UMAD1: variants seen among roughly 807,000 people sequenced by gnomAD.
The protein encoded by UMAD1 is UBAP1-MVB12-associated (UMA) domain containing 1.
UMAD1 carries 8 observed loss-of-function variants against 6.1 expected under a neutral mutation model. That is an observed-to-expected ratio of 1.30 (90% CI 0.76 to 2.35). The LOEUF (loss-of-function observed/expected upper bound fraction) is 2.35, where lower values mean the gene tolerates loss of function less well. Ranked by LOEUF, UMAD1 falls within the 30% of genes most tolerant of loss-of-function variation. UMAD1 has a pLI of 0.00. For synonymous variants in UMAD1, 56 were observed against 31.4 expected (o/e 1.78, Z -2.61); for missense variants, 130 against 78.4 (o/e 1.66, Z -2.49).
intron 3 of UMAD1, among the ~76,000 whole-genome samples, chr7:7,805,761 TA>T (rs1251158761): frequency 6.6e-6 from 1 of 152,212 alleles, no homozygotes; most frequent in Non-Finnish European, 1.5e-5. Flanking sequence ...AGTCATTTTT[TA>T]AACCAGAGCT....
chr7:7,659,265 T>A (rs1785417064), intron 1 of UMAD1, among the ~76,000 whole-genome samples: 1 of 152,196 alleles, frequency 6.6e-6, no homozygotes, highest in South Asian at 2.1e-4. Context: ...GCTCCTGGAT[T>A]CATTGATTTT....
At chr7:7,827,141 A>ATGTGTGTG (rs1439982206) in intron 3 of UMAD1, among the ~76,000 whole-genome samples, 2,097 of 134,810 alleles carry the variant, frequency 0.016, 22 homozygotes, top group Middle Eastern at 0.09. Flanking sequence ...ATATATATAT[A>ATGTGTGTG]TATATATGTG....
chr7:7,853,724 C>T (rs1783962105), intron 3 of UMAD1, among the ~76,000 whole-genome samples: 1 of 152,070 alleles, frequency 6.6e-6, no homozygotes, highest in Non-Finnish European at 1.5e-5. Context: ...GGATTTTCTA[C>T]ATAGAAAATC....
chr7:7,860,604 C>CAAAAA lies in UMAD1; in HGVS notation c.157-16659_157-16655dup, dbSNP rs373823869. On this transcript the variant is annotated intron_variant, in intron 3 of 3. Transcript: ENST00000682710. ...TGAAACCCTGTGTCTACTAAAAATA[C>CAAAAA]AAAAAAAAAAAAAAAAAAAAAATTA... Among the ~76,000 whole-genome samples the CAAAAA allele has an allele frequency of 4.8e-3, 448 of 93,826 alleles. 11 individuals are homozygous for CAAAAA. The highest frequency in any genetic ancestry group is 6.8e-3 in the Middle Eastern group (1 of 148). 61.6% of individuals were successfully genotyped at this position (93,826 alleles called of 152,430 possible). A position where few individuals can be genotyped will look rare whatever the true frequency, so the allele number is the denominator to read the frequency against.
intron 2 of UMAD1, among the ~76,000 whole-genome samples, chr7:7,690,393 A>T (rs887898190): frequency 6.6e-6 from 1 of 152,144 alleles, no homozygotes. Context: ...AACCAAGTAT[A>T]TATTATGTTT....
intron 2 of UMAD1, among the ~76,000 whole-genome samples, chr7:7,696,054 G>C (rs962560512): frequency 6.8e-6 from 1 of 147,582 alleles, no homozygotes; most frequent in Non-Finnish European, 1.5e-5. Flanking sequence ...TGCCCAGGCT[G>C]GATTACAGTG....
intron 3 of UMAD1, among the ~76,000 whole-genome samples, chr7:7,806,266 CT>C (rs953701424): frequency 5.2e-4 from 79 of 151,402 alleles, no homozygotes; most frequent in African/African-American, 1.8e-3. Flanking sequence ...TACTTCCCCC[CT>C]CTAAAATCCC....
intron 2 of UMAD1, among the ~76,000 whole-genome samples, chr7:7,707,131 G>A (rs918554219): frequency 1.1e-4 from 17 of 152,140 alleles, no homozygotes; most frequent in African/African-American, 3.9e-4. Flanking sequence ...TAGGATTGCT[G>A]TTTGTGCACA....
chr7:7,814,398 G>A (rs1034000761), intron 3 of UMAD1, among the ~76,000 whole-genome samples: 4 of 152,042 alleles, frequency 2.6e-5, no homozygotes, highest in Non-Finnish European at 4.4e-5. Flanking sequence ...TTGGCTAGGG[G>A]GAAGCTCAGA....
intron 2 of UMAD1, chr7:7,742,081 A>G (rs1781480833): frequency 5.2e-6 from 3 of 572,810 alleles, no homozygotes; most frequent in Admixed American, 1.9e-5. Context: ...TGTTTAGTAA[A>G]CGCTTGTTGA....
intron 2 of UMAD1, among the ~76,000 whole-genome samples, chr7:7,712,100 G>A (rs564860160): frequency 3.3e-5 from 5 of 151,742 alleles, no homozygotes; most frequent in Admixed American, 6.6e-5. Context: ...CTCTCTCTTA[G>A]CCAATGTCAT....
intron 3 of UMAD1, among the ~76,000 whole-genome samples, chr7:7,816,049 C>G (rs376630998): frequency 6.6e-6 from 1 of 152,078 alleles, no homozygotes; most frequent in Non-Finnish European, 1.5e-5. Flanking sequence ...AAAAAAAAAT[C>G]TTGGATAAGC....
At chr7:7,652,361 GT>G (rs1456729165) in intron 1 of UMAD1, among the ~76,000 whole-genome samples, 2 of 152,158 alleles carry the variant, frequency 1.3e-5, no homozygotes, top group African/African-American at 2.4e-5. Flanking sequence ...CTGATTTTCA[GT>G]TGATATAGTT....
chr7:7,810,062 C>T (rs547961802), intron 3 of UMAD1, among the ~76,000 whole-genome samples: 1 of 152,038 alleles, frequency 6.6e-6, no homozygotes, highest in Non-Finnish European at 1.5e-5. Context: ...TTTTCAAGAA[C>T]AATTTCAAAA....
At chr7:7,834,104 A>G (rs1475625924) in intron 3 of UMAD1, among the ~76,000 whole-genome samples, 3 of 146,018 alleles carry the variant, frequency 2.1e-5, no homozygotes, top group Non-Finnish European at 4.5e-5. Flanking sequence ...CTCACTGCAA[A>G]CTCTGCCTCT....
intron 2 of UMAD1, among the ~76,000 whole-genome samples, chr7:7,775,794 C>G (rs1782193502): frequency 6.6e-6 from 1 of 152,170 alleles, no homozygotes; most frequent in African/African-American, 2.4e-5. Flanking sequence ...TATTCTACTT[C>G]TAGGTATTTA....
At chr7:7,768,767 A>G (rs1263940436) in intron 2 of UMAD1, among the ~76,000 whole-genome samples, 1 of 152,232 alleles carries the variant, frequency 6.6e-6, no homozygotes, top group Non-Finnish European at 1.5e-5. Context: ...AAATAAATGA[A>G]TGCATAGTAT....
At chr7:7,676,491 A>T (rs1451596085) in intron 2 of UMAD1, among the ~76,000 whole-genome samples, 1 of 152,198 alleles carries the variant, frequency 6.6e-6, no homozygotes, top group Admixed American at 6.5e-5. Context: ...TTGTAAAAAA[A>T]GTTATATCAT....
intron 2 of UMAD1, among the ~76,000 whole-genome samples, chr7:7,683,272 G>C (rs1304900707): frequency 6.6e-6 from 1 of 152,126 alleles, no homozygotes; most frequent in Admixed American, 6.6e-5. Flanking sequence ...AAAAAATACT[G>C]GTGCTGGGAC....
Sources: gnomAD v4.1 joint callset for allele counts (sites outside exome capture counted in the v4.1 genomes callset) on GRCh38, gnomAD v4.1.1 for gene constraint, MANE v1.5 for transcripts, NCBI Gene and HGNC (gene_info 2026-07-23, HGNC 2026-07-21) for gene names.